The following ROBO2 variants were observed in gnomAD, a reference collection of about 807,000 sequenced individuals.
The protein encoded by ROBO2 is roundabout homolog 2.
A neutral mutation model predicts 160.8 loss-of-function variants in ROBO2; 53 were observed. The observed-to-expected ratio is 0.33, with a 90% CI of 0.26 to 0.41. The LOEUF (loss-of-function observed/expected upper bound fraction) is 0.41. ROBO2 is among the 10% of genes least tolerant of loss of function. The pLI is 1.00. For missense variants in ROBO2, 1,577 were observed against 1,722.4 expected, an observed-to-expected ratio of 0.92 and a Z score of 1.49; for synonymous variants, 664 against 611.7, an observed-to-expected ratio of 1.09 and a Z score of -1.26.
At chr3:76,236,933 A>G (rs1219968119) in intron 2 of ROBO2, among the ~76,000 whole-genome samples, 1 of 151,978 alleles carries the variant, frequency 6.6e-6, no homozygotes, top group East Asian at 1.9e-4. Flanking sequence ...TTTTTCCTTT[A>G]TATGTAACAT....
intron 2 of ROBO2, among the ~76,000 whole-genome samples, chr3:76,526,913 A>G (rs2081976946): frequency 2.0e-5 from 3 of 152,240 alleles, no homozygotes; most frequent in Middle Eastern, 3.4e-3. Context: ...TGCAATGGTC[A>G]GAAGCCTATA....
intron 2 of ROBO2, among the ~76,000 whole-genome samples, chr3:76,236,228 G>A (rs748911868): frequency 6.6e-6 from 1 of 151,880 alleles, no homozygotes; most frequent in Admixed American, 6.6e-5. Context: ...CAGTTTTAAA[G>A]TGTAAATAAC....
rs1046657218 is a variant in ROBO2 at position 77,112,336 on chromosome 3, C to T, written c.388+13996C>T. On this transcript the variant is annotated intron_variant, in intron 2 of 25. Transcript: ENST00000461745. ...TTGGCTCACTGTAGCCTCCACCTCC[C>T]GGATTCAAGCGATTCACCTGCCTCA... Among the ~76,000 whole-genome samples the T allele has an allele frequency of 1.3e-5, 2 of 151,850 alleles. 1 individual carries two copies. The highest frequency in any genetic ancestry group is 1.3e-4 in the Admixed American group (2 of 15,250).
intron 2 of ROBO2, among the ~76,000 whole-genome samples, chr3:77,110,213 G>C (rs1238545694): frequency 6.6e-6 from 1 of 152,010 alleles, no homozygotes; most frequent in African/African-American, 2.4e-5. Flanking sequence ...CAATTTATAA[G>C]ACAAGTCATC....
chr3:76,058,150 A>C (rs2107856529), intron 2 of ROBO2, among the ~76,000 whole-genome samples: 1 of 152,170 alleles, frequency 6.6e-6, no homozygotes, highest in Admixed American at 6.5e-5. Context: ...CATGTGCAGA[A>C]TGTGCAGGTT....
chr3:77,370,757 G>C (rs1039479258), intron 2 of ROBO2, among the ~76,000 whole-genome samples: 22 of 48,796 alleles, frequency 4.5e-4, no homozygotes, highest in African/African-American at 1.2e-3. Context: ...GCAAGTGTCA[G>C]TGTCCACAAA....
chr3:76,291,386 C>T (rs192730939), intron 2 of ROBO2, among the ~76,000 whole-genome samples: 11 of 152,014 alleles, frequency 7.2e-5, no homozygotes, highest in Non-Finnish European at 2.9e-5. Context: ...GAGTCACCGG[C>T]AATGTCCCCT....
At chr3:76,015,892 C>T (rs1368398648) in intron 2 of ROBO2, among the ~76,000 whole-genome samples, 1 of 152,162 alleles carries the variant, frequency 6.6e-6, no homozygotes, top group Non-Finnish European at 1.5e-5. Context: ...GCTTAAAAAT[C>T]TATTCTCTAT....
At chr3:77,010,731 C>T (rs1235143281) in intron 2 of ROBO2, among the ~76,000 whole-genome samples, 2 of 152,116 alleles carry the variant, frequency 1.3e-5, no homozygotes, top group Admixed American at 1.3e-4. Context: ...TAAAACAACG[C>T]TGGAATCCAT....
intron 2 of ROBO2, among the ~76,000 whole-genome samples, chr3:77,397,283 C>G (rs2075368863): frequency 6.6e-6 from 1 of 152,118 alleles, no homozygotes; most frequent in Non-Finnish European, 1.5e-5. Context: ...TGAAATCAAA[C>G]TACATCAAAA....
intron 2 of ROBO2, among the ~76,000 whole-genome samples, chr3:76,395,261 A>C (rs1169860118): frequency 1.3e-5 from 2 of 150,128 alleles, no homozygotes; most frequent in Non-Finnish European, 3.0e-5. Context: ...AGAAATAAAG[A>C]TGTTCTTTGA....
At chr3:77,163,761 C>A (rs2078699195) in intron 2 of ROBO2, among the ~76,000 whole-genome samples, 1 of 152,104 alleles carries the variant, frequency 6.6e-6, no homozygotes, top group African/African-American at 2.4e-5. Flanking sequence ...AAGAAAAGTG[C>A]ACTGAATACT....
intron 2 of ROBO2, among the ~76,000 whole-genome samples, chr3:77,269,663 G>C (rs1447438770): frequency 6.6e-6 from 1 of 152,126 alleles, no homozygotes; most frequent in Admixed American, 6.5e-5. Flanking sequence ...ACATGTTAAA[G>C]CATAAATTAC....
chr3:76,195,878 G>T (rs1702237168), intron 2 of ROBO2, among the ~76,000 whole-genome samples: 1 of 152,152 alleles, frequency 6.6e-6, no homozygotes, highest in Non-Finnish European at 1.5e-5. Context: ...GAGGTTTAAG[G>T]AAGTGCCACT....
intron 2 of ROBO2, among the ~76,000 whole-genome samples, chr3:77,020,026 G>A (rs910514310): frequency 6.6e-6 from 1 of 152,148 alleles, no homozygotes; most frequent in African/African-American, 2.4e-5. Context: ...GATATGCTTA[G>A]CAGAGCACAT....
At chr3:76,147,972 A>G (rs1039077125) in intron 2 of ROBO2, among the ~76,000 whole-genome samples, 1 of 152,012 alleles carries the variant, frequency 6.6e-6, no homozygotes, top group African/African-American at 2.4e-5. Flanking sequence ...GTTAAGTGGA[A>G]CTGTTATCTA....
intron 2 of ROBO2, among the ~76,000 whole-genome samples, chr3:76,341,146 C>A (rs550323769): frequency 6.6e-6 from 1 of 152,102 alleles, no homozygotes; most frequent in South Asian, 2.1e-4. Flanking sequence ...TCAGATTTAA[C>A]TTGTCAGAAA....
At chr3:77,063,059 GTC>G (rs142402291) in intron 1 of ROBO2, among the ~76,000 whole-genome samples, 168 of 152,258 alleles carry the variant, frequency 1.1e-3, no homozygotes, top group African/African-American at 3.9e-3. Context: ...GCCTACTGGT[GTC>G]TCTGAATACT....
intron 2 of ROBO2, among the ~76,000 whole-genome samples, chr3:77,240,124 G>T (rs1357832080): frequency 6.6e-6 from 1 of 152,182 alleles, no homozygotes; most frequent in African/African-American, 2.4e-5. Flanking sequence ...CGATGGGACT[G>T]GGGGCCATGG....
Sources: allele counts gnomAD v4.1 joint callset (sites outside exome capture counted in the v4.1 genomes callset), GRCh38; gene constraint gnomAD v4.1.1; transcripts MANE v1.5; gene names NCBI Gene and HGNC (gene_info 2026-07-23, HGNC 2026-07-21).